The following APIP variants were observed in gnomAD, a reference collection of about 807,000 sequenced individuals.
APIP encodes the protein methylthioribulose-1-phosphate dehydratase.
APIP carries 32 observed loss-of-function variants against 32.0 expected under a neutral mutation model. The observed-to-expected ratio is 1.00, with a 90% confidence interval of 0.76 to 1.34. The LOEUF is 1.34. APIP is among the 40% of genes most tolerant of loss of function. The pLI is 0.00. For synonymous variants in APIP, 92 were observed against 94.8 expected (o/e 0.97, Z 0.17); for missense variants, 247 against 298.6 (o/e 0.83, Z 1.27).
At position 34,899,287 on chromosome 11, in the gene APIP, C is replaced by T. The variant is rs111703543; in HGVS notation, c.58-4177G>A. Among the ~76,000 whole-genome samples, 841 of 152,284 alleles carry T rather than the reference C, an allele frequency of 5.5e-3. 12 individuals are homozygous for T. The highest frequency in any genetic ancestry group is 0.019 in the African/African-American group (801 of 41,556). ...AGCTTCCTTTTGCACCACTAGAAAT[C>T]GGGCTCTAAGCCTCTTCTGTGAACA... On this transcript the variant is annotated intron_variant, in intron 1 of 6. Transcript: ENST00000395787.
intron 1 of APIP, among the ~76,000 whole-genome samples, chr11:34,906,214 G>T (rs1181925801): frequency 2.0e-5 from 3 of 152,130 alleles, no homozygotes; most frequent in Non-Finnish European, 4.4e-5. Context: ...CAAGGCATTG[G>T]AAGGGAACTT....
chr11:34,905,300 CA>C (rs869288893), intron 1 of APIP, among the ~76,000 whole-genome samples: 2 of 27,448 alleles, frequency 7.3e-5, no homozygotes, highest in South Asian at 1.4e-3. Context: ...TCCATTTGTA[CA>C]ACAAGACTAA....
intron 1 of APIP, among the ~76,000 whole-genome samples, chr11:34,903,796 C>T (rs538542881): frequency 7.2e-5 from 11 of 152,126 alleles, no homozygotes; most frequent in East Asian, 1.9e-4. Context: ...CACTTTGTCT[C>T]GAGGGTATAC....
chr11:34,886,143 G>A (rs1202821144), intron 5 of APIP, among the ~76,000 whole-genome samples: 1 of 152,056 alleles, frequency 6.6e-6, no homozygotes, highest in Non-Finnish European at 1.5e-5. Flanking sequence ...AGGTATTCCG[G>A]AAGAAGGCAC....
At chr11:34,916,158 G>A in intron 1 of APIP, 70 bp downstream of exon 1, 18 of 1,557,860 alleles carry the variant, frequency 1.2e-5, no homozygotes, top group Non-Finnish European at 1.5e-5. Flanking sequence ...CCTGCGCCCA[G>A]CTCCAGCCGC....
At chr11:34,890,668 T>A in intron 2 of APIP, 116 bp from the exon 3 acceptor site, 1 of 1,073,700 alleles carries the variant, frequency 9.3e-7, no homozygotes, top group Non-Finnish European at 1.3e-6. Flanking sequence ...GCCAGTTGCT[T>A]GATTTAATTA....
chr11:34,883,596 C>T, intron 5 of APIP, 92 bp from the exon 6 acceptor site: 1 of 1,363,800 alleles, frequency 7.3e-7, no homozygotes, highest in Non-Finnish European at 1.0e-6. Context: ...ACCAGTTAGA[C>T]ATGCTGTTTG....
rs12294759 is a variant in APIP, at chr11:34,899,406, G to T, written c.58-4296C>A. On this transcript the variant is annotated intron_variant, in intron 1 of 6. Coordinates refer to ENST00000395787, the MANE Select transcript of APIP (RefSeq NM_015957.4). Reference sequence around the variant, plus strand: ...CCCATCAGCAGGAAAATGGCCGTTTGGTTCCTACGTTCCTTTAAGGCACCT... The same window carrying T: ...CCCATCAGCAGGAAAATGGCCGTTTTGTTCCTACGTTCCTTTAAGGCACCT... Among the ~76,000 whole-genome samples the T allele has an allele frequency of 3.0e-3, 457 of 152,240 alleles. 5 individuals carry two copies. Among genetic ancestry groups the T allele is most frequent in the African/African-American group, 0.011 (437 of 41,550 alleles).
intron 2 of APIP, 106 bp from the exon 3 acceptor site, chr11:34,890,658 G>T: frequency 8.6e-7 from 1 of 1,166,442 alleles, no homozygotes; most frequent in Non-Finnish European, 1.2e-6. Flanking sequence ...AAGCAATACA[G>T]CCAGTTGCTT....
rs1853671250 is a variant in APIP at position 34,915,965 on chromosome 11, C to T, written c.57+263G>A. ...TGAGGTCACCTAAACGCTCTCCTCT[C>T]TCAGTTATTTGCTTCTTTCCAACGT... On this transcript the variant is annotated intron_variant, in intron 1 of 6. Coordinates refer to ENST00000395787, the MANE Select transcript of APIP (RefSeq NM_015957.4). The T allele has an allele frequency of 5.2e-6, 3 of 573,268 alleles. No individual in the cohort carries two copies. The South Asian group carries it at 6.5e-5, about 12-fold the overall frequency. 35.5% of individuals were successfully genotyped at this position (573,268 alleles called of 1,614,324 possible).
At chr11:34,885,774 G>A (rs2133903228) in intron 5 of APIP, among the ~76,000 whole-genome samples, 1 of 152,242 alleles carries the variant, frequency 6.6e-6, no homozygotes, top group East Asian at 1.9e-4. Flanking sequence ...TAAACAGTTT[G>A]CTGTTTGATC....
chr11:34,896,843 G>A (rs1486987345), intron 1 of APIP: 96 of 1,277,912 alleles, frequency 7.5e-5, no homozygotes, highest in Non-Finnish European at 9.4e-5. Context: ...AATTTTGATA[G>A]CCATGTAAGC....
chr11:34,911,135 T>G (rs958067953), intron 1 of APIP, among the ~76,000 whole-genome samples: 1 of 151,320 alleles, frequency 6.6e-6, no homozygotes, highest in Non-Finnish European at 1.5e-5. Context: ...CCCAAAAAAG[T>G]GTATGGTAAA....
At chr11:34,901,981 C>T (rs1853378227) in intron 1 of APIP, among the ~76,000 whole-genome samples, 1 of 152,124 alleles carries the variant, frequency 6.6e-6, no homozygotes, top group South Asian at 2.1e-4. Context: ...TGCAACACCC[C>T]AATATTAGGA....
intron 1 of APIP, among the ~76,000 whole-genome samples, chr11:34,901,725 C>T (rs1260983340): frequency 6.6e-6 from 1 of 152,160 alleles, no homozygotes; most frequent in Non-Finnish European, 1.5e-5. Flanking sequence ...GGGCCAGCAT[C>T]CATACAGCCC....
chr11:34,901,124 A>G (rs1033178105), intron 1 of APIP, among the ~76,000 whole-genome samples: 4 of 152,120 alleles, frequency 2.6e-5, no homozygotes, highest in Non-Finnish European at 5.9e-5. Flanking sequence ...AGGAAGCCCA[A>G]TAAAAGGAAA....
At chr11:34,883,072 A>G (rs1242343665) in intron 6 of APIP, among the ~76,000 whole-genome samples, 2 of 152,224 alleles carry the variant, frequency 1.3e-5, no homozygotes, top group Non-Finnish European at 2.9e-5. Flanking sequence ...ACATAAATTT[A>G]CATTTTTTTT....
rs764542802 is a variant in APIP at position 34,888,259 on chromosome 11, TTCAA to T, written c.461+30_461+33del. 3.9e-5 allele frequency: 58 copies of T among 1,496,594 alleles called. No individual in the cohort carries two copies. In the African/African-American group the frequency reaches 8.1e-4, roughly 21 times the overall value. 92.7% of individuals were successfully genotyped at this position (1,496,594 alleles called of 1,614,324 possible). On this transcript the variant is annotated intron_variant, in intron 5 of 6. Transcript: ENST00000395787. ...TTATCAAAGAGAAGGAAGAATTCTT[TTCAA>T]ATTATTTAAGAAAAAGGAAAAAAAA...
intron 2 of APIP, among the ~76,000 whole-genome samples, chr11:34,893,331 A>G (rs189993930): frequency 6.6e-6 from 1 of 152,312 alleles, no homozygotes; most frequent in African/African-American, 2.4e-5. Context: ...CTCATTTGGT[A>G]GAAAGCTTTA....
Sources: gnomAD v4.1 joint callset for allele counts (sites outside exome capture counted in the v4.1 genomes callset) on GRCh38, gnomAD v4.1.1 for gene constraint, MANE v1.5 for transcripts, NCBI Gene and HGNC (gene_info 2026-07-23, HGNC 2026-07-21) for gene names.